The following ACVR1 variants were observed in gnomAD, a reference collection of about 807,000 sequenced individuals.
ACVR1 encodes the protein activin receptor type-1.
ACVR1 carries 38 observed loss-of-function variants against 57.1 expected under a neutral mutation model. The ratio of observed to expected loss-of-function variants is 0.67; its 90% CI spans 0.51 to 0.87. ACVR1 has a LOEUF of 0.87. Ranked by LOEUF, ACVR1 falls within the 40% of genes least tolerant of loss-of-function variation. The pLI is 0.00. For missense variants in ACVR1, 463 were observed against 638.2 expected, an observed-to-expected ratio of 0.73 and a Z score of 2.96; for synonymous variants, 212 against 228.1, an observed-to-expected ratio of 0.93 and a Z score of 0.63.
Position 157,799,388 on chromosome 2 carries a change from GTATACTTATCTTAACCCAAAAAGA to G in ACVR1, c.67+15_67+38del. 6.9e-7 allele frequency: 1 copy of G among 1,459,446 alleles called. No homozygotes were observed. Among genetic ancestry groups the G allele is most frequent in the Non-Finnish European group, 9.6e-7 (1 of 1,044,046 alleles). 90.4% of individuals were successfully genotyped at this position (1,459,446 alleles called of 1,614,324 possible). A position where few individuals can be genotyped will look rare whatever the true frequency, so the allele number is the denominator to read the frequency against. On this transcript the variant is annotated intron_variant, in intron 3 of 10. Transcript: ENST00000434821. Reference sequence around the variant, plus strand: ...TAGTAAGCCAAAAAAAAAAATCACAGTATACTTATCTTAACCCAAAAAGATGTGAGTCACTTACCTTCCATACTA... The same window carrying G: ...TAGTAAGCCAAAAAAAAAAATCACAGTGTGAGTCACTTACCTTCCATACTA...
chr2:157,821,578 A>G (rs1237222441), intron 1 of ACVR1, among the ~76,000 whole-genome samples: 2 of 152,306 alleles, frequency 1.3e-5, no homozygotes, highest in East Asian at 3.9e-4. Flanking sequence ...CATGAAATGA[A>G]TATCTATATA....
intron 9 of ACVR1, among the ~76,000 whole-genome samples, chr2:157,746,835 AT>A (rs1684985141): frequency 6.6e-6 from 1 of 152,260 alleles, no homozygotes; most frequent in Non-Finnish European, 1.5e-5. Flanking sequence ...TCCAAATTCA[AT>A]GTCAAATTAA....
chr2:157,861,155 A>G (rs1689705509), intron 1 of ACVR1, among the ~76,000 whole-genome samples: 1 of 152,140 alleles, frequency 6.6e-6, no homozygotes, highest in Non-Finnish European at 1.5e-5. Flanking sequence ...GTACATCCCA[A>G]TTTTATGTTT....
At position 157,738,597 on chromosome 2, in the gene ACVR1, C is replaced by T. The variant is rs554787560; in HGVS notation, c.1265-27G>A. On this transcript the variant is annotated intron_variant, in intron 9 of 10. Coordinates refer to ENST00000434821, the MANE Select transcript of ACVR1 (RefSeq NM_001111067.4). Reference sequence around the variant, plus strand: ...TGCACACAAGGACAAGAATTGTGTTCGGTTAGCAAGAGAGTACAGGTTGCC... The same window carrying T: ...TGCACACAAGGACAAGAATTGTGTTTGGTTAGCAAGAGAGTACAGGTTGCC... 1.1e-5 allele frequency: 17 copies of T among 1,613,668 alleles called. No homozygotes were observed. In the African/African-American group the frequency reaches 1.1e-4, roughly 10 times the overall value.
chr2:157,828,616 T>C (rs199951096), intron 1 of ACVR1, among the ~76,000 whole-genome samples: 1 of 152,072 alleles, frequency 6.6e-6, no homozygotes, highest in East Asian at 1.9e-4. Context: ...CAAAACTCTG[T>C]TTCCAAAAAA....
chr2:157,747,245 G>A (rs1261776181), intron 9 of ACVR1, among the ~76,000 whole-genome samples: 1 of 152,090 alleles, frequency 6.6e-6, no homozygotes, highest in African/African-American at 2.4e-5. Flanking sequence ...AGGGTATGGG[G>A]GATATTGTAA....
intron 3 of ACVR1, among the ~76,000 whole-genome samples, chr2:157,787,451 C>T (rs954184688): frequency 1.7e-4 from 26 of 152,202 alleles, no homozygotes; most frequent in Admixed American, 1.6e-3. Flanking sequence ...ATACTGTCTC[C>T]TCAGCGTATG....
chr2:157,776,062 G>A (rs1166082200), intron 5 of ACVR1, among the ~76,000 whole-genome samples: 2 of 152,154 alleles, frequency 1.3e-5, no homozygotes, highest in Admixed American at 6.5e-5. Flanking sequence ...TTTAGTAAGG[G>A]CATGCTTTGT....
At chr2:157,742,530 AAT>A (rs1436188840) in intron 9 of ACVR1, among the ~76,000 whole-genome samples, 2 of 152,142 alleles carry the variant, frequency 1.3e-5, no homozygotes, top group African/African-American at 4.8e-5. Flanking sequence ...TGATTTATAC[AAT>A]AGTTTTTTCC....
At chr2:157,804,986 C>G (rs1008348615) in intron 2 of ACVR1, among the ~76,000 whole-genome samples, 1 of 152,184 alleles carries the variant, frequency 6.6e-6, no homozygotes, top group African/African-American at 2.4e-5. Context: ...CTAGATAAAG[C>G]CACAGATACC....
Position 157,798,829 on chromosome 2 carries a change from C to T in ACVR1, c.67+598G>A, listed in dbSNP as rs192676135. On this transcript the variant is annotated intron_variant, in intron 3 of 10. Coordinates refer to ENST00000434821, the MANE Select transcript of ACVR1 (RefSeq NM_001111067.4). ...AGGCATGAGCCACGGCACCCAGCCT[C>T]GCATTTGTTTAAACACATGTTTTAT... Among the ~76,000 whole-genome samples the T allele has an allele frequency of 3.9e-3, 584 of 151,064 alleles. 4 individuals are homozygous for T. Among genetic ancestry groups the T allele is most frequent in the Middle Eastern group, 7.0e-3 (2 of 286 alleles).
At chr2:157,773,781 C>A (rs1686162223) in intron 6 of ACVR1, among the ~76,000 whole-genome samples, 1 of 152,150 alleles carries the variant, frequency 6.6e-6, no homozygotes, top group African/African-American at 2.4e-5. Flanking sequence ...GTATCCAATA[C>A]CTATGGTAAG....
At chr2:157,768,922 T>C (rs1218489474) in intron 7 of ACVR1, among the ~76,000 whole-genome samples, 2 of 152,226 alleles carry the variant, frequency 1.3e-5, no homozygotes, top group African/African-American at 4.8e-5. Flanking sequence ...TGTTTATTGT[T>C]ACTACTGTTG....
chr2:157,814,070 T>C (rs1177168149), intron 2 of ACVR1, among the ~76,000 whole-genome samples: 1 of 152,268 alleles, frequency 6.6e-6, no homozygotes, highest in Non-Finnish European at 1.5e-5. Flanking sequence ...CTGTATAGCC[T>C]GGTGCTTAGA....
chr2:157,744,239 C>T (rs747836221), intron 9 of ACVR1, among the ~76,000 whole-genome samples: 10 of 152,144 alleles, frequency 6.6e-5, no homozygotes, highest in Non-Finnish European at 1.3e-4. Context: ...CTATTTTTAA[C>T]AATTAACTCC....
chr2:157,773,319 T>C (rs943766725), intron 6 of ACVR1, among the ~76,000 whole-genome samples: 14 of 151,886 alleles, frequency 9.2e-5, no homozygotes, highest in African/African-American at 3.2e-4. Flanking sequence ...GTAAAAAACA[T>C]TTACAAATTT....
chr2:157,838,089 C>T lies in ACVR1; in HGVS notation c.-182-19530G>A, dbSNP rs949036117. 1.6e-4 allele frequency among the ~76,000 whole-genome samples: 21 copies of T among 132,304 alleles called. No homozygotes were observed. In the East Asian group the frequency reaches 2.0e-3, roughly 13 times the overall value. The allele number at this position is 132,304 out of a possible 152,430, so 86.8% of individuals were successfully genotyped here. A position where few individuals can be genotyped will look rare whatever the true frequency, so the allele number is the denominator to read the frequency against. ...TGTTATTATCATCAAGAAAGCTTTTCCCCCCCTCCCCACACACACTCTTTA... is the reference window on the plus strand; with the variant it reads ...TGTTATTATCATCAAGAAAGCTTTTTCCCCCCTCCCCACACACACTCTTTA... On this transcript the variant is annotated intron_variant, in intron 1 of 10. Transcript: ENST00000434821.
At chr2:157,815,092 A>AAAAT (rs1278782135) in intron 2 of ACVR1, among the ~76,000 whole-genome samples, 1 of 152,222 alleles carries the variant, frequency 6.6e-6, no homozygotes, top group Admixed American at 6.5e-5. Context: ...CCGTCTCAAA[A>AAAAT]AAATAAATAA....
chr2:157,815,714 T>C (rs370212546), intron 2 of ACVR1, among the ~76,000 whole-genome samples: 2 of 152,180 alleles, frequency 1.3e-5, no homozygotes, highest in East Asian at 3.8e-4. Flanking sequence ...CATAGAAGTG[T>C]CTCAAAATGC....
Sources: allele counts gnomAD v4.1 joint callset (sites outside exome capture counted in the v4.1 genomes callset), GRCh38; gene constraint gnomAD v4.1.1; transcripts MANE v1.5; gene names NCBI Gene and HGNC (gene_info 2026-07-23, HGNC 2026-07-21).